The following NRG3 variants were observed in gnomAD, a reference collection of about 807,000 sequenced individuals.
NRG3 encodes pro-neuregulin-3, membrane-bound isoform.
Under a neutral mutation model 66.9 loss-of-function variants are expected in NRG3, and 31 were observed. The observed-to-expected ratio is 0.46, with a 90% confidence interval of 0.35 to 0.63. NRG3 has a LOEUF of 0.63. Among genes scored for constraint, NRG3 ranks in the 20% least tolerant of loss-of-function variants. The pLI, the probability that NRG3 is intolerant of heterozygous loss-of-function variation, is 0.00. For missense variants in NRG3, 910 were observed against 878.9 expected (o/e 1.04, Z -0.45); for synonymous variants, 393 against 359.4 (o/e 1.09, Z -1.06).
At chr10:82,835,974 T>C (rs1037482635) in intron 3 of NRG3, among the ~76,000 whole-genome samples, 1 of 152,166 alleles carries the variant, frequency 6.6e-6, no homozygotes, top group Admixed American at 6.6e-5. Context: ...GTTAGCAAAC[T>C]ACCACCTTCA....
intron 1 of NRG3, among the ~76,000 whole-genome samples, chr10:82,212,381 C>T (rs1424239120): frequency 6.6e-6 from 1 of 152,174 alleles, no homozygotes; most frequent in Non-Finnish European, 1.5e-5. Context: ...GTCAGTTTCT[C>T]TCATCATGAT....
chr10:82,282,063 C>T (rs1372799061), intron 1 of NRG3, among the ~76,000 whole-genome samples: 8 of 151,848 alleles, frequency 5.3e-5, no homozygotes, highest in Non-Finnish European at 1.2e-4. Context: ...CATATATCTA[C>T]AGAAGTCAAG....
chr10:81,960,491 C>G (rs1212100836), intron 1 of NRG3, among the ~76,000 whole-genome samples: 1 of 151,862 alleles, frequency 6.6e-6, no homozygotes, highest in Non-Finnish European at 1.5e-5. Flanking sequence ...ATTTTAATGT[C>G]CATCTTCAGA....
chr10:82,926,903 T>C (rs1847058985), intron 4 of NRG3, among the ~76,000 whole-genome samples: 2 of 152,190 alleles, frequency 1.3e-5, no homozygotes, highest in South Asian at 4.1e-4. Flanking sequence ...GCACTGTGTC[T>C]CTTTGTCTTT....
At position 82,628,169 on chromosome 10, in the gene NRG3, A is replaced by G. The variant is rs1481128; in HGVS notation, c.954-110408A>G. 6.6e-5 allele frequency among the ~76,000 whole-genome samples: 10 copies of G among 152,334 alleles called. No individual in the cohort carries two copies. The East Asian group carries it at 1.9e-3, about 29-fold the overall frequency. On this transcript the variant is annotated intron_variant, in intron 2 of 8. Coordinates refer to ENST00000372141, the MANE Select transcript of NRG3 (RefSeq NM_001010848.4). ...CATGGAATATGTTTTACATATTTTC[A>G]TGTGATTTGAATTTTAAAGATAGTG...
chr10:82,531,690 A>G (rs1847286196), intron 2 of NRG3, among the ~76,000 whole-genome samples: 1 of 151,914 alleles, frequency 6.6e-6, no homozygotes, highest in Admixed American at 6.6e-5. Flanking sequence ...ACACATACAC[A>G]CAGAGGGGCA....
intron 1 of NRG3, among the ~76,000 whole-genome samples, chr10:82,315,677 T>TG (rs1321857826): frequency 1.3e-5 from 2 of 151,440 alleles, no homozygotes; most frequent in African/African-American, 4.9e-5. Context: ...GTTTTTTTTT[T>TG]TTTTTTGAGA....
rs114618135 is a variant in NRG3, at chr10:82,809,511, T to A, written c.1028-55900T>A. ...TGTAAATTATCTTCCTTAGCATTCC[T>A]AAGTTTGTAACTATGTCCCCATAAT... On this transcript the variant is annotated intron_variant, in intron 3 of 8. Transcript: ENST00000372141. 4.5e-3 allele frequency among the ~76,000 whole-genome samples: 691 copies of A among 152,280 alleles called. 3 individuals carry two copies. Among genetic ancestry groups the A allele is most frequent in the African/African-American group, 0.015 (635 of 41,562 alleles).
At chr10:81,918,167 T>G (rs1435427318) in intron 1 of NRG3, among the ~76,000 whole-genome samples, 1 of 152,188 alleles carries the variant, frequency 6.6e-6, no homozygotes, top group Non-Finnish European at 1.5e-5. Context: ...TGAAAGTGGA[T>G]TTATGTATTC....
At chr10:82,284,199 A>G (rs899865739) in intron 1 of NRG3, among the ~76,000 whole-genome samples, 1 of 152,226 alleles carries the variant, frequency 6.6e-6, no homozygotes, top group African/African-American at 2.4e-5. Flanking sequence ...GTACATGGCA[A>G]GTGATGAATG....
intron 1 of NRG3, among the ~76,000 whole-genome samples, chr10:81,885,114 C>G (rs529768781): frequency 2.6e-5 from 4 of 152,262 alleles, no homozygotes; most frequent in African/African-American, 9.6e-5. Context: ...TTTTAACTCT[C>G]TATTTTCTCT....
intron 2 of NRG3, among the ~76,000 whole-genome samples, chr10:82,641,589 T>C (rs960124874): frequency 2.6e-5 from 4 of 151,874 alleles, no homozygotes; most frequent in Non-Finnish European, 5.9e-5. Flanking sequence ...CCATCAAGAG[T>C]ACTCATGATC....
intron 4 of NRG3, among the ~76,000 whole-genome samples, chr10:82,921,804 A>G (rs2132070916): frequency 6.6e-6 from 1 of 152,242 alleles, no homozygotes; most frequent in East Asian, 1.9e-4. Flanking sequence ...GCATCCCAAC[A>G]TAATTATTTC....
At chr10:82,823,068 G>A (rs1346879743) in intron 3 of NRG3, among the ~76,000 whole-genome samples, 1 of 152,002 alleles carries the variant, frequency 6.6e-6, no homozygotes, top group African/African-American at 2.4e-5. Context: ...GATCATCTGG[G>A]TATTCATTTG....
chr10:81,933,734 G>A (rs1847605584), intron 1 of NRG3, among the ~76,000 whole-genome samples: 1 of 152,118 alleles, frequency 6.6e-6, no homozygotes. Context: ...TGCCCAGCAG[G>A]TTATTAAAGG....
intron 2 of NRG3, among the ~76,000 whole-genome samples, chr10:82,435,241 T>G (rs189973054): frequency 1.3e-5 from 2 of 152,344 alleles, no homozygotes; most frequent in Non-Finnish European, 2.9e-5. Flanking sequence ...TAGAGGTGTT[T>G]ACAGCATTCT....
At chr10:82,832,379 G>A (rs775943113) in intron 3 of NRG3, among the ~76,000 whole-genome samples, 11 of 152,086 alleles carry the variant, frequency 7.2e-5, no homozygotes, top group East Asian at 1.9e-4. Flanking sequence ...ATCAGTCCAC[G>A]TACTCTTTTC....
chr10:82,069,000 A>C (rs1049600534), intron 1 of NRG3, among the ~76,000 whole-genome samples: 2 of 152,234 alleles, frequency 1.3e-5, no homozygotes, highest in African/African-American at 2.4e-5. Context: ...ATGTCCACAG[A>C]AGGGTTTAAT....
chr10:82,350,947 T>G (rs2135509361), intron 1 of NRG3, among the ~76,000 whole-genome samples: 1 of 151,950 alleles, frequency 6.6e-6, no homozygotes, highest in African/African-American at 2.4e-5. Context: ...GCTGGAGTGC[T>G]GTGGCGCGAT....
Sources: gnomAD v4.1 joint callset for allele counts (sites outside exome capture counted in the v4.1 genomes callset) on GRCh38, gnomAD v4.1.1 for gene constraint, MANE v1.5 for transcripts, NCBI Gene and HGNC (gene_info 2026-07-23, HGNC 2026-07-21) for gene names.